The following DNAH6 variants were observed in gnomAD, a reference collection of about 807,000 sequenced individuals.
DNAH6 encodes dynein axonemal heavy chain 6.
DNAH6 carries 340 observed loss-of-function variants against 491.4 expected under a neutral mutation model. The observed-to-expected ratio is 0.69, with a 90% CI of 0.63 to 0.76. DNAH6 has a LOEUF of 0.76. Among genes scored for constraint, DNAH6 ranks in the 30% least tolerant of loss-of-function variants. The pLI, the probability that DNAH6 is intolerant of heterozygous loss-of-function variation, is 0.00. For synonymous variants in DNAH6, 1,603 were observed against 1,686.1 expected, an observed-to-expected ratio of 0.95 and a Z score of 1.21; for missense variants, 4,443 against 4,972.2, an observed-to-expected ratio of 0.89 and a Z score of 3.20.
intron 40 of DNAH6, among the ~76,000 whole-genome samples, chr2:84,673,556 G>A (rs1055122682): frequency 6.6e-6 from 1 of 152,162 alleles, no homozygotes; most frequent in African/African-American, 2.4e-5. Flanking sequence ...TACATAAAAG[G>A]GAGTTTATTA....
At chr2:84,625,454 T>A (rs80135786) in intron 29 of DNAH6, among the ~76,000 whole-genome samples, 4,366 of 152,126 alleles carry the variant, frequency 0.029, 227 homozygotes, top group African/African-American at 0.099. Flanking sequence ...AGGTGAGAAT[T>A]CATGGTAAGG....
rs144385474 is a variant in DNAH6, at chr2:84,671,395, GC to G, written c.6454+924del. Among the ~76,000 whole-genome samples, 618 of 152,222 alleles carry G rather than the reference GC, an allele frequency of 4.1e-3. 2 individuals are homozygous for G. Among genetic ancestry groups the G allele is most frequent in the African/African-American group, 0.014 (599 of 41,544 alleles). On this transcript the variant is annotated intron_variant, in intron 39 of 76. Transcript: ENST00000389394. ...CCATCTGCACCCTCTTGCAGCTGGG[GC>G]CCCACTTGCTCAGTCCACAGTCTCT...
chr2:84,548,567 A>G, intron 8 of DNAH6, 150 bp downstream of exon 8: 1 of 840,718 alleles, frequency 1.2e-6, no homozygotes, highest in Non-Finnish European at 1.9e-6. Context: ...GTATACCTTA[A>G]GTACACACAA....
At chr2:84,752,670 T>C (rs1673584787) in intron 63 of DNAH6, among the ~76,000 whole-genome samples, 2 of 151,494 alleles carry the variant, frequency 1.3e-5, no homozygotes, top group South Asian at 4.2e-4. Context: ...GCCTATTCTG[T>C]TTTTTTTGTA....
intron 59 of DNAH6, among the ~76,000 whole-genome samples, chr2:84,720,083 T>A (rs1365940177): frequency 6.6e-6 from 1 of 152,122 alleles, no homozygotes; most frequent in Non-Finnish European, 1.5e-5. Flanking sequence ...CCAGTCACTC[T>A]GTTTTAGTTC....
At chr2:84,490,173 A>G in the DNAH6 span, among the ~76,000 whole-genome samples, 23 of 152,078 alleles carry the variant, frequency 1.5e-4, no homozygotes, top group Non-Finnish European at 2.8e-4. Context: ...CAGAAATAGG[A>G]TATGTCTTTA....
chr2:84,652,283 A>C (rs1017550905), intron 33 of DNAH6, among the ~76,000 whole-genome samples: 2 of 148,658 alleles, frequency 1.3e-5, no homozygotes, highest in Non-Finnish European at 2.9e-5. Context: ...ATTTCCCCAT[A>C]AGTGTTTTAA....
chr2:84,633,426 G>A lies in DNAH6; in HGVS notation c.4516-1078G>A, dbSNP rs578046417. On this transcript the variant is annotated intron_variant, in intron 29 of 76. Coordinates refer to ENST00000389394, the MANE Select transcript of DNAH6 (RefSeq NM_001370.2). ...CTGTTTAGTCTGCTTGGGGTGAGAG[G>A]AAGGGAGAACAGAGAGAGGAAGGAC... Among the ~76,000 whole-genome samples the A allele has an allele frequency of 3.0e-4, 45 of 152,140 alleles. 1 individual carries two copies. Among genetic ancestry groups the A allele is most frequent in the Non-Finnish European group, 6.2e-4 (42 of 68,016 alleles).
intron 68 of DNAH6, among the ~76,000 whole-genome samples, chr2:84,788,912 T>C (rs952522636): frequency 6.6e-6 from 1 of 152,216 alleles, no homozygotes; most frequent in African/African-American, 2.4e-5. Context: ...TTCATCTATG[T>C]TGAAAATTCC....
the DNAH6 span, among the ~76,000 whole-genome samples, chr2:84,505,548 A>AT: frequency 6.6e-6 from 1 of 151,844 alleles, no homozygotes; most frequent in Non-Finnish European, 1.5e-5. Flanking sequence ...TAATGTTTTT[A>AT]TTTTTTTAAG....
At chr2:84,791,324 C>A (rs1371012723) in intron 68 of DNAH6, among the ~76,000 whole-genome samples, 1 of 151,484 alleles carries the variant, frequency 6.6e-6, no homozygotes, top group Non-Finnish European at 1.5e-5. Context: ...ATGGCATATC[C>A]ATAAATAGAA....
chr2:84,723,907 T>C (rs142375244), intron 60 of DNAH6, among the ~76,000 whole-genome samples: 187 of 152,342 alleles, frequency 1.2e-3, no homozygotes, highest in Non-Finnish European at 1.9e-3. Context: ...CCAATTTTGC[T>C]AAAGACTTCC....
At chr2:84,620,623 T>C (rs1224866809) in intron 24 of DNAH6, among the ~76,000 whole-genome samples, 1 of 152,156 alleles carries the variant, frequency 6.6e-6, no homozygotes, top group African/African-American at 2.4e-5. Context: ...CAGTGGTGTA[T>C]CTATGGGAAC....
At chr2:84,697,551 A>G in intron 46 of DNAH6, 24 bp from the exon 47 acceptor site, 3 of 1,527,892 alleles carry the variant, frequency 2.0e-6, no homozygotes, top group Non-Finnish European at 2.6e-6. Context: ...AGCAAGTTGT[A>G]ATGATCACTG....
At chr2:84,500,134 A>G in the DNAH6 span, among the ~76,000 whole-genome samples, 1 of 152,170 alleles carries the variant, frequency 6.6e-6, no homozygotes, top group Admixed American at 6.5e-5. Context: ...ATTTTCCCCA[A>G]TGCTTTCTCA....
intron 64 of DNAH6, among the ~76,000 whole-genome samples, chr2:84,769,016 T>C (rs1675357756): frequency 6.6e-6 from 1 of 152,216 alleles, no homozygotes; most frequent in Non-Finnish European, 1.5e-5. Context: ...GGTGCAAAAC[T>C]CTACTTGTTA....
chr2:84,600,140 CAG>C (rs1385867606), intron 18 of DNAH6, among the ~76,000 whole-genome samples: 1 of 152,110 alleles, frequency 6.6e-6, no homozygotes, highest in East Asian at 1.9e-4. Flanking sequence ...GTTAGGGACT[CAG>C]AGAGGAGTGT....
chr2:84,722,857 C>T, intron 60 of DNAH6, 53 bp downstream of exon 60: 2 of 1,074,202 alleles, frequency 1.9e-6, no homozygotes, highest in African/African-American at 1.6e-5. Context: ...TCCATTACAC[C>T]TGTTGAATTA....
In DNAH6 at chr2:84,637,517, C is replaced by A. The variant is rs998840948; in HGVS notation, c.4821+140C>A. On this transcript the variant is annotated intron_variant, in intron 31 of 76. Coordinates refer to ENST00000389394, the MANE Select transcript of DNAH6 (RefSeq NM_001370.2). ...TATTAAGTGTAGATATGATTGTTAT[C>A]ACATGGAATGTTAAGTTCTGCATGT... 21 of 1,003,008 alleles carry A rather than the reference C, an allele frequency of 2.1e-5. 1 individual carries two copies. The highest frequency in any genetic ancestry group is 2.8e-5 in the Non-Finnish European group (21 of 737,170). The allele number at this position is 1,003,008 out of a possible 1,614,324, so 62.1% of individuals were successfully genotyped here. A position where few individuals can be genotyped will look rare whatever the true frequency, so the allele number is the denominator to read the frequency against.
Sources: allele counts gnomAD v4.1 joint callset (sites outside exome capture counted in the v4.1 genomes callset), GRCh38; gene constraint gnomAD v4.1.1; transcripts MANE v1.5; gene names NCBI Gene and HGNC (gene_info 2026-07-23, HGNC 2026-07-21).